TM6SF1: variants seen among roughly 807,000 people sequenced by gnomAD.
TM6SF1 encodes transmembrane 6 superfamily member 1.
A neutral mutation model predicts 47.1 loss-of-function variants in TM6SF1; 43 were observed. That is an observed-to-expected ratio of 0.91 (90% CI 0.72 to 1.18). The LOEUF is 1.18. Among genes scored for constraint, TM6SF1 ranks in the 50% most tolerant of loss-of-function variants. TM6SF1 has a pLI of 0.00. For missense variants in TM6SF1, 390 were observed against 449.0 expected, an observed-to-expected ratio of 0.87 and a Z score of 1.19; for synonymous variants, 177 against 166.3, an observed-to-expected ratio of 1.06 and a Z score of -0.49.
chr15:83,111,577 G>A, intron 1 of TM6SF1: 5 of 978,472 alleles, frequency 5.1e-6, no homozygotes, highest in Non-Finnish European at 6.1e-6. Flanking sequence ...CTCTCCTAGG[G>A]GACGGTGATA....
At chr15:83,128,234 T>C (rs1296672413) in intron 9 of TM6SF1, 1 of 152,254 alleles carries the variant, frequency 6.6e-6, no homozygotes, top group Non-Finnish European at 1.5e-5. Flanking sequence ...CAGTCAATTA[T>C]ATGCATGGTA....
Position 83,136,723 on chromosome 15 carries a change from G to A in TM6SF1, c.*51G>A, listed in dbSNP as rs748574784. On this transcript the variant is annotated 3_prime_UTR_variant, in exon 10 of 10. Coordinates refer to ENST00000322019, the MANE Select transcript of TM6SF1 (RefSeq NM_023003.5). ...CTAAATTACTAACTTTTGTTATACT[G>A]GTACTGATATTTTGTCCCATTTCAC... is the stretch of plus-strand genomic sequence containing the variant. 9 of 1,468,164 alleles carry A rather than the reference G, an allele frequency of 6.1e-6. No individual in the cohort carries two copies. The African/African-American group carries it at 8.5e-5, about 14-fold the overall frequency. 90.9% of individuals were successfully genotyped at this position (1,468,164 alleles called of 1,614,324 possible). A position where few individuals can be genotyped will look rare whatever the true frequency, so the allele number is the denominator to read the frequency against.
intron 9 of TM6SF1, chr15:83,136,162 T>G (rs546651448): frequency 4.7e-6 from 1 of 211,266 alleles, no homozygotes; most frequent in East Asian, 1.0e-4. Flanking sequence ...TTCAGATTTT[T>G]CTATTAGATT....
chr15:83,136,175 G>A (rs1056526875), intron 9 of TM6SF1: 1 of 233,264 alleles, frequency 4.3e-6, no homozygotes, highest in African/African-American at 2.2e-5. Flanking sequence ...ATTAGATTGA[G>A]CCACTAATGT....
rs763925632 is a variant in TM6SF1 at position 83,107,777 on chromosome 15, G to A, written c.92+5G>A. 60 of 1,577,560 alleles carry A rather than the reference G, an allele frequency of 3.8e-5. No homozygotes were observed. Among genetic ancestry groups the A allele is most frequent in the Non-Finnish European group, 4.8e-5 (56 of 1,163,652 alleles). On this transcript the variant is annotated splice_donor_5th_base_variant and intron_variant, in intron 1 of 9. Transcript: ENST00000322019. The surrounding 1 kb of genome is among the most constrained non-coding windows in gnomAD (Gnocchi z 5.6). ...CCACCTGGCGGCCCAGCATGAGTGA[G>A]TGAGCCGGCGCGGCGGGGGTCGCGC...
At chr15:83,123,260 C>A (rs2151366904) in intron 6 of TM6SF1, among the ~76,000 whole-genome samples, 1 of 152,220 alleles carries the variant, frequency 6.6e-6, no homozygotes, top group East Asian at 1.9e-4. Context: ...TTTACTACCC[C>A]AAGAGGACAC....
chr15:83,118,233 ACACACACAC>A, intron 3 of TM6SF1, among the ~76,000 whole-genome samples: 1 of 62,164 alleles, frequency 1.6e-5, no homozygotes, highest in Middle Eastern at 6.6e-3. Flanking sequence ...CTGTACGTAC[ACACACACAC>A]ACACACACAC....
At chr15:83,125,582 G>A (rs2035669498) in intron 7 of TM6SF1, among the ~76,000 whole-genome samples, 1 of 152,122 alleles carries the variant, frequency 6.6e-6, no homozygotes, top group South Asian at 2.1e-4. Flanking sequence ...GATTTTTATT[G>A]ATCAGTGATC....
rs751898310 is a variant in TM6SF1 at position 83,111,685 on chromosome 15, T to C, written c.93-1112T>C. 677 of 985,218 alleles carry C rather than the reference T, an allele frequency of 6.9e-4. 1 individual carries two copies. The highest frequency in any genetic ancestry group is 7.9e-4 in the Non-Finnish European group (658 of 829,892). 61.0% of individuals were successfully genotyped at this position (985,218 alleles called of 1,614,324 possible). A position where few individuals can be genotyped will look rare whatever the true frequency, so the allele number is the denominator to read the frequency against. ...GCTCCAATCTGAAGAGGTCCTGGTGTAGCAGGCCATTGGAGTGGGCCAGGT... is the reference window on the plus strand; with the variant it reads ...GCTCCAATCTGAAGAGGTCCTGGTGCAGCAGGCCATTGGAGTGGGCCAGGT... On this transcript the variant is annotated intron_variant, in intron 1 of 9. Coordinates refer to ENST00000322019, the MANE Select transcript of TM6SF1 (RefSeq NM_023003.5).
At chr15:83,126,217 A>C (rs1596509944) in intron 7 of TM6SF1, among the ~76,000 whole-genome samples, 2 of 152,104 alleles carry the variant, frequency 1.3e-5, no homozygotes, top group East Asian at 3.8e-4. Context: ...ATGGTGCCTG[A>C]GGGGAGGAAG....
rs767276870 is a variant in TM6SF1 at position 83,121,908 on chromosome 15, G to T, written c.399-13G>T. ...CATACCAAGTCAAGATTTTTTTGTTGTTGTTGTTACAGGGAAACTTATAGA... is the reference window on the plus strand; with the variant it reads ...CATACCAAGTCAAGATTTTTTTGTTTTTGTTGTTACAGGGAAACTTATAGA... On this transcript the variant is annotated splice_polypyrimidine_tract_variant and intron_variant, in intron 4 of 9. Transcript: ENST00000322019. The T allele has an allele frequency of 2.5e-6, 4 of 1,584,110 alleles. No homozygotes were observed. The highest frequency in any genetic ancestry group is 4.5e-5 in the East Asian group (2 of 44,268).
At chr15:83,129,876 C>G (rs1388087807) in intron 9 of TM6SF1, 1 of 152,154 alleles carries the variant, frequency 6.6e-6, no homozygotes, top group East Asian at 1.9e-4. Context: ...TTTTTTTGGC[C>G]TGGTTCCTCT....
At chr15:83,119,424 A>G (rs953535354) in intron 3 of TM6SF1, among the ~76,000 whole-genome samples, 154 bp from the exon 4 acceptor site, 12 of 152,182 alleles carry the variant, frequency 7.9e-5, no homozygotes, top group Admixed American at 5.9e-4. Flanking sequence ...GTAAAGTTGT[A>G]TTTTCATGTT....
intron 7 of TM6SF1, 36 bp downstream of exon 7, chr15:83,124,812 A>G: frequency 1.3e-6 from 2 of 1,482,746 alleles, no homozygotes; most frequent in Non-Finnish European, 1.9e-6. Context: ...TAACATTGTG[A>G]TACTACTCAC....
At chr15:83,109,003 A>G (rs1460361462) in intron 1 of TM6SF1, among the ~76,000 whole-genome samples, 2 of 152,234 alleles carry the variant, frequency 1.3e-5, no homozygotes, top group Non-Finnish European at 2.9e-5. Context: ...CGGGTAGTTC[A>G]GTGAAGATAT....
At position 83,136,865 on chromosome 15, in the gene TM6SF1, AGTTT is replaced by A. The variant is rs1206282117; in HGVS notation, c.*198_*201del. The A allele has an allele frequency of 2.5e-5, 10 of 404,954 alleles. No individual in the cohort carries two copies. The highest frequency in any genetic ancestry group is 4.4e-5 in the Non-Finnish European group (10 of 227,126). 25.1% of individuals were successfully genotyped at this position (404,954 alleles called of 1,614,324 possible). On this transcript the variant is annotated 3_prime_UTR_variant, in exon 10 of 10. Coordinates refer to ENST00000322019, the MANE Select transcript of TM6SF1 (RefSeq NM_023003.5). ...AGGAAAATGGAAATTCTTGAGAAAC[AGTTT>A]GTTTAAAGAAATATATTCAAAATCA...
rs2035570009 is a variant in TM6SF1, at chr15:83,124,678, C to G, written c.610C>G (p.Gln204Glu). The G allele has an allele frequency of 6.2e-7, 1 of 1,613,744 alleles. No homozygotes were observed. The highest frequency in any genetic ancestry group is 8.5e-7 in the Non-Finnish European group (1 of 1,179,808). The change falls in exon 7 of 10, where the codon CAA (glutamine) becomes GAA (glutamate). Residue 204 changes from glutamine to glutamate, a missense_variant. Transcript: ENST00000322019. ...GGTACAAACTCTATTTTAGGTTATT[C>G]AAGAAGCCCAAGCGAAAGACCTGCT... Reference protein sequence around the residue: ...ENYNYPSKVIQEAQAKDLLRR... With the variant: ...ENYNYPSKVIEEAQAKDLLRR...
At chr15:83,109,864 G>A (rs569728079) in intron 1 of TM6SF1, among the ~76,000 whole-genome samples, 54 of 152,190 alleles carry the variant, frequency 3.5e-4, no homozygotes, top group African/African-American at 1.3e-3. Context: ...TCCTCCTATC[G>A]CAGACTGTTG....
At position 83,127,419 on chromosome 15, in the gene TM6SF1, T is replaced by A. The variant is rs2035867546; in HGVS notation, c.863T>A (p.Val288Asp). 6.2e-7 allele frequency: 1 copy of A among 1,613,970 alleles called. No individual in the cohort carries two copies. Among genetic ancestry groups the A allele is most frequent in the South Asian group, 1.1e-5 (1 of 91,076 alleles). ...YFVTALYGLV[V>D]PGCSWMPDIT... ...GTGACTGCACTGTATGGCTTAGTGG[T>A]TCCTGGATGTTCCTGGATGCCTGAC... is the stretch of plus-strand genomic sequence containing the variant. The change falls in exon 9 of 10, where the codon GTT (valine) becomes GAT (aspartate). Residue 288 changes from valine to aspartate, a missense_variant. Val to Asp is a radical substitution (Grantham distance 152). Transcript: ENST00000322019.
Sources: allele counts gnomAD v4.1 joint callset (sites outside exome capture counted in the v4.1 genomes callset), GRCh38; gene constraint gnomAD v4.1.1; non-coding constraint Gnocchi (gnomAD v3.1); transcripts MANE v1.5; gene names NCBI Gene and HGNC (gene_info 2026-07-23, HGNC 2026-07-21).